Variants in PLEKHA5 observed in about 807,000 individuals in gnomAD.
PLEKHA5 encodes pleckstrin homology domain containing A5, also known as pleckstrin homology domain-containing family A member 5.
PLEKHA5 carries 55 observed loss-of-function variants against 181.9 expected under a neutral mutation model. That is an observed-to-expected ratio of 0.30 (90% CI 0.24 to 0.38). PLEKHA5 has a LOEUF of 0.38. PLEKHA5 is among the 10% of genes least tolerant of loss of function. The probability of loss-of-function intolerance (pLI) is 1.00; values close to 1 mark genes in which losing one functional copy is unlikely to be tolerated. For missense variants in PLEKHA5, 1,432 were observed against 1,549.5 expected (o/e 0.92, Z 1.27); for synonymous variants, 535 against 529.4 (o/e 1.01, Z -0.15).
chr12:19,362,167 C>CA (rs33984774), intron 29 of PLEKHA5, among the ~76,000 whole-genome samples: 1,173 of 61,444 alleles, frequency 0.019, 21 homozygotes, highest in African/African-American at 0.023. Context: ...GACTCTGTCT[C>CA]AAAAAAAAAA....
chr12:19,189,304 A>T (rs2050540923), intron 3 of PLEKHA5, among the ~76,000 whole-genome samples: 1 of 152,176 alleles, frequency 6.6e-6, no homozygotes, highest in African/African-American at 2.4e-5. Context: ...AATAGTTAAG[A>T]AGCTATTGCG....
At chr12:19,280,115 T>C (rs2075729522) in intron 11 of PLEKHA5, among the ~76,000 whole-genome samples, 1 of 129,748 alleles carries the variant, frequency 7.7e-6, no homozygotes, top group African/African-American at 2.9e-5. Flanking sequence ...AGTGGCACAA[T>C]CTCAGCTCAC....
intron 3 of PLEKHA5, among the ~76,000 whole-genome samples, chr12:19,135,629 G>A (rs996580223): frequency 6.6e-5 from 10 of 152,044 alleles, no homozygotes; most frequent in African/African-American, 2.2e-4. Context: ...GCTGCTTTTT[G>A]TGCTTACGTT....
intron 10 of PLEKHA5, among the ~76,000 whole-genome samples, chr12:19,271,662 C>G (rs978650134): frequency 2.6e-5 from 4 of 151,978 alleles, no homozygotes; most frequent in Non-Finnish European, 5.9e-5. Context: ...CATGTTTCTA[C>G]TTTATTTTAT....
At chr12:19,148,437 C>CA (rs1178098050) in intron 3 of PLEKHA5, among the ~76,000 whole-genome samples, 2 of 152,230 alleles carry the variant, frequency 1.3e-5, no homozygotes, top group African/African-American at 4.8e-5. Flanking sequence ...TGCTGGCTGA[C>CA]ACAGGCAGAG....
At chr12:19,300,972 T>TAAAAA in intron 15 of PLEKHA5, among the ~76,000 whole-genome samples, 1 of 127,626 alleles carries the variant, frequency 7.8e-6, no homozygotes, top group Non-Finnish European at 1.6e-5. Context: ...CCATCTCTAC[T>TAAAAA]AAAAAAAAAA....
chr12:19,156,748 A>T (rs919097553), intron 3 of PLEKHA5, among the ~76,000 whole-genome samples: 15 of 151,806 alleles, frequency 9.9e-5, no homozygotes, highest in Non-Finnish European at 1.5e-5. Flanking sequence ...AAATGTAGTT[A>T]AAAAAAACTG....
intron 15 of PLEKHA5, among the ~76,000 whole-genome samples, chr12:19,296,699 G>A (rs1236904265): frequency 6.6e-6 from 1 of 152,130 alleles, no homozygotes; most frequent in African/African-American, 2.4e-5. Context: ...CTTGGCTCCT[G>A]TAGCCTGGAC....
At chr12:19,211,105 A>G (rs2056802679) in intron 3 of PLEKHA5, among the ~76,000 whole-genome samples, 1 of 152,156 alleles carries the variant, frequency 6.6e-6, no homozygotes, top group Non-Finnish European at 1.5e-5. Context: ...CTTAAAAATT[A>G]TGAAATAATT....
chr12:19,290,370 AC>A (rs1486852224), intron 13 of PLEKHA5, among the ~76,000 whole-genome samples: 1 of 152,242 alleles, frequency 6.6e-6, no homozygotes, highest in Non-Finnish European at 1.5e-5. Context: ...GCACTTATGT[AC>A]AAACCTTTAT....
rs780321608 is a variant in PLEKHA5 at position 19,322,555 on chromosome 12, A to G, written c.2336A>G (p.Glu779Gly). Residue 779 changes from glutamate (E) to glycine (G), a missense_variant, in exon 20 of 32, where the codon GAG becomes GGG. Transcript: ENST00000429027. Reference sequence around the variant, plus strand: ...CAAGCTTTGCTATCAGCCAGCCAAGAGATAGAAATGCATGCAGATAACCCA... The same window carrying G: ...CAAGCTTTGCTATCAGCCAGCCAAGGGATAGAAATGCATGCAGATAACCCA... Reference protein sequence around the residue: ...LEQALLSASQEIEMHADNPAA... With the variant: ...LEQALLSASQGIEMHADNPAA... 3 of 1,614,002 alleles carry G rather than the reference A, an allele frequency of 1.9e-6. No homozygotes were observed. The highest frequency in any genetic ancestry group is 1.7e-5 in the Admixed American group (1 of 60,030).
chr12:19,279,648 A>C (rs1328093645), intron 11 of PLEKHA5, among the ~76,000 whole-genome samples: 5 of 150,664 alleles, frequency 3.3e-5, no homozygotes, highest in African/African-American at 1.2e-4. Flanking sequence ...CGACAGAGTG[A>C]GACTCCATCT....
intron 21 of PLEKHA5, among the ~76,000 whole-genome samples, chr12:19,340,680 T>G (rs2093829115): frequency 6.9e-6 from 1 of 144,008 alleles, no homozygotes; most frequent in South Asian, 2.3e-4. Flanking sequence ...CTGAAACATG[T>G]GCTGTGTCCA....
chr12:19,268,754 C>T (rs2071448582), intron 8 of PLEKHA5, among the ~76,000 whole-genome samples: 1 of 152,082 alleles, frequency 6.6e-6, no homozygotes, highest in African/African-American at 2.4e-5. Flanking sequence ...ACCCAGTGTT[C>T]CTTACATTGA....
At chr12:19,160,763 A>T (rs1049985226) in intron 3 of PLEKHA5, among the ~76,000 whole-genome samples, 1 of 152,082 alleles carries the variant, frequency 6.6e-6, no homozygotes, top group Non-Finnish European at 1.5e-5. Flanking sequence ...ACTTTTTTAT[A>T]TAATAATAAA....
At chr12:19,198,041 A>G (rs1035403280) in intron 3 of PLEKHA5, among the ~76,000 whole-genome samples, 15 of 151,918 alleles carry the variant, frequency 9.9e-5, no homozygotes, top group African/African-American at 3.6e-4. Flanking sequence ...CGTCTTTGCC[A>G]CCATCATCTT....
intron 3 of PLEKHA5, among the ~76,000 whole-genome samples, chr12:19,220,166 A>G (rs1376941156): frequency 1.3e-5 from 2 of 149,488 alleles, no homozygotes; most frequent in Non-Finnish European, 3.0e-5. Context: ...TCACACAGAG[A>G]AAGTCCAAGA....
intron 29 of PLEKHA5, among the ~76,000 whole-genome samples, chr12:19,364,162 A>G (rs2095349186): frequency 6.6e-6 from 1 of 152,170 alleles, no homozygotes. Flanking sequence ...ATTGTAACCA[A>G]ATAGTTTGAG....
At chr12:19,275,065 A>G in intron 11 of PLEKHA5, 82 bp downstream of exon 11, 1 of 839,502 alleles carries the variant, frequency 1.2e-6, no homozygotes, top group Non-Finnish European at 1.8e-6. Context: ...TACTGATTAA[A>G]ATATTGGTTT....
Sources: gnomAD v4.1 joint callset for allele counts (sites outside exome capture counted in the v4.1 genomes callset) on GRCh38, gnomAD v4.1.1 for gene constraint, MANE v1.5 for transcripts, NCBI Gene and HGNC (gene_info 2026-07-23, HGNC 2026-07-21) for gene names.